Variants in VAV3 observed in about 807,000 individuals in gnomAD.
The protein encoded by VAV3 is vav guanine nucleotide exchange factor 3, also known as guanine nucleotide exchange factor VAV3.
In VAV3, 94 loss-of-function variants were observed where a neutral mutation model predicts 131.2. That is an observed-to-expected ratio of 0.72 (90% CI 0.61 to 0.85). The LOEUF is 0.85. Ranked by LOEUF, VAV3 falls within the 40% of genes least tolerant of loss-of-function variation. The probability of loss-of-function intolerance (pLI) is 0.00; values close to 1 mark genes in which losing one functional copy is unlikely to be tolerated. For missense variants in VAV3, 939 were observed against 1,002.7 expected, an observed-to-expected ratio of 0.94 and a Z score of 0.86; for synonymous variants, 349 against 342.0, an observed-to-expected ratio of 1.02 and a Z score of -0.22.
intron 2 of VAV3, among the ~76,000 whole-genome samples, chr1:107,834,235 A>G (rs1668377179): frequency 6.6e-6 from 1 of 152,134 alleles, no homozygotes; most frequent in South Asian, 2.1e-4. Context: ...TAAATGCATG[A>G]TACACCCGTA....
At chr1:107,587,857 G>A (rs960449378) in intron 25 of VAV3, among the ~76,000 whole-genome samples, 3 of 152,164 alleles carry the variant, frequency 2.0e-5, no homozygotes, top group African/African-American at 7.2e-5. Flanking sequence ...CTCTCAAAGT[G>A]CTGGGGATTA....
intron 19 of VAV3, among the ~76,000 whole-genome samples, chr1:107,673,124 G>A (rs1021597747): frequency 2.0e-5 from 3 of 152,134 alleles, no homozygotes; most frequent in African/African-American, 4.8e-5. Flanking sequence ...AAATTAGAAA[G>A]ACTAATGTTC....
chr1:107,863,566 G>A (rs765171534), intron 2 of VAV3, among the ~76,000 whole-genome samples: 8 of 152,164 alleles, frequency 5.3e-5, no homozygotes, highest in Non-Finnish European at 8.8e-5. Flanking sequence ...GCTTGCCCCT[G>A]TTGCATCTTA....
At chr1:107,729,799 T>C (rs1262961092) in intron 15 of VAV3, among the ~76,000 whole-genome samples, 3 of 152,186 alleles carry the variant, frequency 2.0e-5, no homozygotes, top group African/African-American at 7.2e-5. Context: ...GGAAAAATAA[T>C]AAATACAAAA....
At chr1:107,959,463 A>C (rs554230708) in intron 1 of VAV3, among the ~76,000 whole-genome samples, 1 of 152,040 alleles carries the variant, frequency 6.6e-6, no homozygotes, top group Non-Finnish European at 1.5e-5. Flanking sequence ...GTCACCAAGG[A>C]AACTTATATT....
At chr1:107,948,516 T>C (rs1215789418) in intron 1 of VAV3, among the ~76,000 whole-genome samples, 4 of 152,152 alleles carry the variant, frequency 2.6e-5, no homozygotes, top group African/African-American at 9.7e-5. Flanking sequence ...TCTGTAACAA[T>C]TTTTTCAGCA....
intron 20 of VAV3, among the ~76,000 whole-genome samples, chr1:107,632,765 T>C (rs1009285180): frequency 6.6e-6 from 1 of 152,220 alleles, no homozygotes; most frequent in Admixed American, 6.5e-5. Context: ...TGGCACTCAA[T>C]GCATACTTGC....
At chr1:107,702,739 C>A (rs1660208955) in intron 17 of VAV3, among the ~76,000 whole-genome samples, 1 of 151,842 alleles carries the variant, frequency 6.6e-6, no homozygotes, top group Admixed American at 6.6e-5. Flanking sequence ...ACGTTCCCAT[C>A]CACGTGTACT....
intron 20 of VAV3, among the ~76,000 whole-genome samples, chr1:107,624,845 A>G (rs1292492850): frequency 6.6e-6 from 1 of 152,232 alleles, no homozygotes; most frequent in Non-Finnish European, 1.5e-5. Flanking sequence ...TAAGGAATTA[A>G]AAATGAATAG....
At chr1:107,708,539 T>C (rs1660589360) in intron 15 of VAV3, among the ~76,000 whole-genome samples, 1 of 152,208 alleles carries the variant, frequency 6.6e-6, no homozygotes, top group African/African-American at 2.4e-5. Flanking sequence ...GGGCTTCATA[T>C]AGCTTTACAT....
intron 15 of VAV3, among the ~76,000 whole-genome samples, chr1:107,714,289 A>G (rs1660960966): frequency 1.3e-5 from 2 of 152,152 alleles, no homozygotes; most frequent in East Asian, 3.8e-4. Flanking sequence ...AGAATTACCA[A>G]TTAAACATTA....
At chr1:107,577,057 A>G (rs971225975) in intron 25 of VAV3, among the ~76,000 whole-genome samples, 3 of 152,242 alleles carry the variant, frequency 2.0e-5, no homozygotes, top group African/African-American at 7.2e-5. Flanking sequence ...AGAGATGTAC[A>G]GAAAAGTTAC....
chr1:107,761,971 T>C (rs1664461739), intron 9 of VAV3, among the ~76,000 whole-genome samples: 1 of 152,190 alleles, frequency 6.6e-6, no homozygotes, highest in South Asian at 2.1e-4. Flanking sequence ...GGTTTGTTCT[T>C]TTGATAATAA....
chr1:107,884,401 A>T (rs1044532046), intron 1 of VAV3, among the ~76,000 whole-genome samples: 7 of 114,914 alleles, frequency 6.1e-5, no homozygotes, highest in South Asian at 5.8e-4. Context: ...TTAAAAATAA[A>T]TTATTTATTA....
chr1:107,938,487 CT>C (rs1341055813), intron 1 of VAV3, among the ~76,000 whole-genome samples: 1 of 152,054 alleles, frequency 6.6e-6, no homozygotes, highest in Non-Finnish European at 1.5e-5. Context: ...AGAAACAGGT[CT>C]GTAGATAAGA....
chr1:107,670,674 C>T (rs958394557), intron 19 of VAV3, among the ~76,000 whole-genome samples: 1 of 152,074 alleles, frequency 6.6e-6, no homozygotes, highest in African/African-American at 2.4e-5. Context: ...CATAAGGCAG[C>T]GATTAATGAG....
intron 19 of VAV3, among the ~76,000 whole-genome samples, chr1:107,666,763 G>C (rs1277732751): frequency 6.6e-6 from 1 of 152,038 alleles, no homozygotes. Context: ...TTATGTGCCA[G>C]TCCCTGTTCT....
At chr1:107,949,306 ATTTT>A (rs869230431) in intron 1 of VAV3, among the ~76,000 whole-genome samples, 12 of 143,020 alleles carry the variant, frequency 8.4e-5, no homozygotes, top group African/African-American at 3.3e-4. Flanking sequence ...CTTTTTGTTT[ATTTT>A]TGTTTGTTTG....
At chr1:107,653,533 C>CTCTA (rs1273969513) in intron 19 of VAV3, among the ~76,000 whole-genome samples, 2 of 152,032 alleles carry the variant, frequency 1.3e-5, no homozygotes, top group Non-Finnish European at 2.9e-5. Flanking sequence ...TAACAGGTAA[C>CTCTA]TCTAAGGTTT....
Sources: allele counts gnomAD v4.1 joint callset (sites outside exome capture counted in the v4.1 genomes callset), GRCh38; gene constraint gnomAD v4.1.1; transcripts MANE v1.5; gene names NCBI Gene and HGNC (gene_info 2026-07-23, HGNC 2026-07-21).